The following UST variants were observed in gnomAD, a reference collection of about 807,000 sequenced individuals.
UST encodes uronyl 2-sulfotransferase.
In UST, 21 loss-of-function variants were observed where a neutral mutation model predicts 45.6. The ratio of observed to expected loss-of-function variants is 0.46; its 90% CI spans 0.33 to 0.66. The LOEUF is 0.66. Among genes scored for constraint, UST ranks in the 30% least tolerant of loss-of-function variants. The pLI is 0.02. For missense variants in UST, 463 were observed against 512.4 expected, an observed-to-expected ratio of 0.90 and a Z score of 0.93; for synonymous variants, 215 against 200.6, an observed-to-expected ratio of 1.07 and a Z score of -0.61.
chr6:149,071,568 A>G lies in UST; in HGVS notation c.938-2265A>G, dbSNP rs566111782. Among the ~76,000 whole-genome samples, 53 of 152,136 alleles carry G rather than the reference A, an allele frequency of 3.5e-4. No individual in the cohort carries two copies. In the South Asian group the frequency reaches 5.0e-3, roughly 14 times the overall value. ...CTATATGTCAACCTTGGATTTGGCAATTTTTTTTAATGTGACACCAAAAGT... is the reference window on the plus strand; with the variant it reads ...CTATATGTCAACCTTGGATTTGGCAGTTTTTTTTAATGTGACACCAAAAGT... On this transcript the variant is annotated intron_variant, in intron 7 of 7. Coordinates refer to ENST00000367463, the MANE Select transcript of UST (RefSeq NM_005715.3).
intron 2 of UST, among the ~76,000 whole-genome samples, chr6:148,912,326 T>G (rs968281004): frequency 2.6e-5 from 4 of 152,288 alleles, no homozygotes; most frequent in Non-Finnish European, 4.4e-5. Context: ...CATGAGTTGT[T>G]TCTTTTCATC....
At chr6:148,977,485 C>G (rs1406030290) in intron 5 of UST, among the ~76,000 whole-genome samples, 1 of 152,102 alleles carries the variant, frequency 6.6e-6, no homozygotes, top group Admixed American at 6.5e-5. Context: ...GGCGTGGTGG[C>G]TCACGCCTGT....
At chr6:149,013,355 C>T (rs184818843) in intron 5 of UST, among the ~76,000 whole-genome samples, 1 of 151,902 alleles carries the variant, frequency 6.6e-6, no homozygotes, top group East Asian at 1.9e-4. Flanking sequence ...TTCGAGTTTG[C>T]CGCTACTAAA....
At chr6:149,021,262 A>C in intron 6 of UST, 62 bp from the exon 7 acceptor site, 1 of 1,521,960 alleles carries the variant, frequency 6.6e-7, no homozygotes, top group Non-Finnish European at 8.9e-7. Flanking sequence ...GTAAACTCTC[A>C]GCATCTTGCT....
chr6:148,904,566 C>T (rs1022381758), intron 2 of UST, among the ~76,000 whole-genome samples: 1 of 152,086 alleles, frequency 6.6e-6, no homozygotes, highest in Non-Finnish European at 1.5e-5. Context: ...CTCTGTCACC[C>T]AGGCTGGAGT....
intron 2 of UST, among the ~76,000 whole-genome samples, chr6:148,913,060 C>T (rs1373847423): frequency 1.3e-5 from 2 of 151,966 alleles, no homozygotes; most frequent in African/African-American, 4.8e-5. Flanking sequence ...TTTTAGAGCA[C>T]CTTAGAGATC....
chr6:148,953,340 C>T (rs1013305566), intron 3 of UST, among the ~76,000 whole-genome samples: 12 of 152,312 alleles, frequency 7.9e-5, no homozygotes, highest in African/African-American at 2.9e-4. Context: ...CTTAATCTGT[C>T]ACGTTGCTTT....
intron 2 of UST, among the ~76,000 whole-genome samples, chr6:148,940,558 C>T (rs1367492026): frequency 6.6e-6 from 1 of 152,046 alleles, no homozygotes; most frequent in East Asian, 1.9e-4. Flanking sequence ...AATTGGAACC[C>T]TCATATGTTG....
chr6:149,009,576 CACACACATAG>C (rs1195398757), intron 5 of UST, among the ~76,000 whole-genome samples: 2 of 142,068 alleles, frequency 1.4e-5, no homozygotes, highest in African/African-American at 5.1e-5. Context: ...CACACACACA[CACACACATAG>C]ACAGACACAC....
chr6:148,953,644 G>A (rs981318235), intron 3 of UST, among the ~76,000 whole-genome samples: 1 of 151,874 alleles, frequency 6.6e-6, no homozygotes, highest in African/African-American at 2.4e-5. Context: ...GGTGGCGGGC[G>A]CCTGTAGTCC....
intron 1 of UST, among the ~76,000 whole-genome samples, chr6:148,843,150 G>A (rs919397698): frequency 6.6e-6 from 1 of 152,224 alleles, no homozygotes; most frequent in African/African-American, 2.4e-5. Context: ...GGAATGGGAA[G>A]CAGATGGTAA....
At chr6:148,939,679 A>G (rs1189550313) in intron 2 of UST, among the ~76,000 whole-genome samples, 1 of 152,226 alleles carries the variant, frequency 6.6e-6, no homozygotes, top group Non-Finnish European at 1.5e-5. Flanking sequence ...AGAAGAATGA[A>G]GTTAGACAAC....
chr6:148,824,678 T>TC (rs1270189249), intron 1 of UST, among the ~76,000 whole-genome samples: 2 of 146,542 alleles, frequency 1.4e-5, no homozygotes, highest in East Asian at 2.0e-4. Context: ...TTCTTTCTTT[T>TC]TTTTTTTTTT....
At chr6:149,014,226 G>GC (rs1311716504) in intron 5 of UST, among the ~76,000 whole-genome samples, 1 of 152,192 alleles carries the variant, frequency 6.6e-6, no homozygotes, top group African/African-American at 2.4e-5. Flanking sequence ...TGAAGCAAGT[G>GC]CCGATACACA....
intron 1 of UST, among the ~76,000 whole-genome samples, chr6:148,780,902 C>T (rs1008317135): frequency 1.3e-5 from 2 of 152,084 alleles, no homozygotes; most frequent in African/African-American, 4.8e-5. Context: ...CCACAAACTG[C>T]ACCCATATAA....
At chr6:149,067,174 C>T (rs1017024947) in intron 7 of UST, among the ~76,000 whole-genome samples, 2 of 152,156 alleles carry the variant, frequency 1.3e-5, no homozygotes, top group Non-Finnish European at 2.9e-5. Flanking sequence ...TAGTTTGGGA[C>T]AACGTTCATC....
chr6:149,011,528 A>G (rs1230913266), intron 5 of UST, among the ~76,000 whole-genome samples: 1 of 152,246 alleles, frequency 6.6e-6, no homozygotes, highest in African/African-American at 2.4e-5. Context: ...CCCCCAAAAA[A>G]GCATGTATGC....
At chr6:148,815,179 T>C (rs923855679) in intron 1 of UST, among the ~76,000 whole-genome samples, 10 of 152,218 alleles carry the variant, frequency 6.6e-5, no homozygotes, top group Non-Finnish European at 1.5e-4. Flanking sequence ...GAATATTGAT[T>C]GTCTTTAAAG....
chr6:148,933,736 A>G (rs2114913847), intron 2 of UST, among the ~76,000 whole-genome samples: 1 of 152,304 alleles, frequency 6.6e-6, no homozygotes, highest in African/African-American at 2.4e-5. Flanking sequence ...GCCAGTGAGA[A>G]TCACTGCCGA....
Sources: gnomAD v4.1 joint callset for allele counts (sites outside exome capture counted in the v4.1 genomes callset) on GRCh38, gnomAD v4.1.1 for gene constraint, MANE v1.5 for transcripts, NCBI Gene and HGNC (gene_info 2026-07-23, HGNC 2026-07-21) for gene names.